Variants in TENM3 observed in about 807,000 individuals in gnomAD.
The protein encoded by TENM3 is teneurin transmembrane protein 3.
TENM3 carries 63 observed loss-of-function variants against 255.1 expected under a neutral mutation model. The ratio of observed to expected loss-of-function variants is 0.25; its 90% CI spans 0.20 to 0.30. The LOEUF is 0.30. TENM3 is among the 10% of genes least tolerant of loss of function. The pLI is 1.00. For synonymous variants in TENM3, 1,306 were observed against 1,322.3 expected (o/e 0.99, Z 0.27); for missense variants, 2,929 against 3,461.1 (o/e 0.85, Z 3.86).
At chr4:182,509,385 T>C (rs1013642774) in intron 3 of TENM3, among the ~76,000 whole-genome samples, 1 of 152,196 alleles carries the variant, frequency 6.6e-6, no homozygotes, top group Non-Finnish European at 1.5e-5. Flanking sequence ...CACCATATAA[T>C]GCTTGCTTCG....
chr4:181,854,927 G>T, the TENM3 span, among the ~76,000 whole-genome samples: 16 of 152,224 alleles, frequency 1.1e-4, no homozygotes, highest in South Asian at 2.5e-3. Flanking sequence ...TGGAATATTG[G>T]CAAGAATGGA....
chr4:182,148,704 G>A (rs74721350), intron 1 of TENM3, among the ~76,000 whole-genome samples: 1 of 152,180 alleles, frequency 6.6e-6, no homozygotes, highest in Non-Finnish European at 1.5e-5. Flanking sequence ...GAAAGATAAT[G>A]CATGTGGAGG....
chr4:182,145,908 A>G (rs1398334091), intron 1 of TENM3, among the ~76,000 whole-genome samples: 3 of 152,222 alleles, frequency 2.0e-5, no homozygotes, highest in African/African-American at 7.2e-5. Flanking sequence ...ATGTTGAGGC[A>G]TTACCTTTCC....
intron 1 of TENM3, among the ~76,000 whole-genome samples, chr4:182,166,755 C>T (rs1236335435): frequency 6.6e-6 from 1 of 152,118 alleles, no homozygotes; most frequent in Non-Finnish European, 1.5e-5. Flanking sequence ...CCTCAGCCTC[C>T]CGAGTAGCTG....
At position 182,193,121 on chromosome 4, in the gene TENM3, T is replaced by C. The variant is rs145538114; in HGVS notation, c.-76+48367T>C. Among the ~76,000 whole-genome samples, 840 of 152,318 alleles carry C rather than the reference T, an allele frequency of 5.5e-3. 2 individuals carry two copies. The highest frequency in any genetic ancestry group is 8.4e-3 in the Non-Finnish European group (571 of 68,030). On this transcript the variant is annotated intron_variant, in intron 1 of 2. Transcript: ENST00000512480. ...CATGAGTGTATTATTTGGCATGAAG[T>C]ATACACCATCACAGGTTTGGAATTT... is the stretch of plus-strand genomic sequence containing the variant.
the TENM3 span, among the ~76,000 whole-genome samples, chr4:181,946,854 A>T: frequency 6.6e-6 from 1 of 152,214 alleles, no homozygotes; most frequent in Admixed American, 6.5e-5. Flanking sequence ...TCTCATAGAA[A>T]ATCCACTCCT....
intron 1 of TENM3, among the ~76,000 whole-genome samples, chr4:182,256,913 TAA>T (rs111995629): frequency 6.8e-6 from 1 of 146,072 alleles, no homozygotes. Context: ...AAATAATTAT[TAA>T]AAAAAAAAAC....
At chr4:182,565,725 C>T (rs950568848) in intron 3 of TENM3, among the ~76,000 whole-genome samples, 10 of 152,154 alleles carry the variant, frequency 6.6e-5, no homozygotes, top group African/African-American at 2.4e-4. Flanking sequence ...CTATATGTAG[C>T]AGGATTAGAC....
intron 3 of TENM3, among the ~76,000 whole-genome samples, chr4:182,410,212 A>G (rs1437311294): frequency 6.6e-6 from 1 of 152,252 alleles, no homozygotes. Context: ...ACTAGAAGCT[A>G]TGAATGCTGG....
intron 23 of TENM3, 75 bp downstream of exon 23, chr4:182,773,722 G>T (rs1764457272): frequency 7.4e-7 from 1 of 1,354,736 alleles, no homozygotes; most frequent in Non-Finnish European, 1.0e-6. Flanking sequence ...ACTTTCCAAG[G>T]TGAACCAGAA....
At chr4:181,830,814 G>A in the TENM3 span, among the ~76,000 whole-genome samples, 11 of 152,160 alleles carry the variant, frequency 7.2e-5, no homozygotes, top group African/African-American at 2.6e-4. Context: ...GCTTGATCCC[G>A]TCACCAAGTT....
the TENM3 span, among the ~76,000 whole-genome samples, chr4:181,754,021 C>G: frequency 6.6e-6 from 1 of 152,078 alleles, no homozygotes; most frequent in African/African-American, 2.4e-5. Context: ...ATGAGATTGA[C>G]AAGTATGTTT....
intron 3 of TENM3, among the ~76,000 whole-genome samples, chr4:182,413,668 C>G (rs909437503): frequency 6.6e-6 from 1 of 152,050 alleles, no homozygotes; most frequent in Admixed American, 6.6e-5. Flanking sequence ...CCGAAGTGTT[C>G]TCATGAGCAC....
At chr4:182,031,382 C>T in the TENM3 span, among the ~76,000 whole-genome samples, 1 of 152,114 alleles carries the variant, frequency 6.6e-6, no homozygotes, top group Non-Finnish European at 1.5e-5. Context: ...GGCCCTATTT[C>T]TGAGTTCTCT....
At chr4:181,921,904 G>A in the TENM3 span, among the ~76,000 whole-genome samples, 3 of 152,144 alleles carry the variant, frequency 2.0e-5, no homozygotes, top group African/African-American at 7.2e-5. Flanking sequence ...TTTGAGAAAC[G>A]TCCCATCAAT....
intron 3 of TENM3, among the ~76,000 whole-genome samples, chr4:182,435,509 G>A (rs1771978193): frequency 1.3e-5 from 2 of 152,160 alleles, no homozygotes; most frequent in South Asian, 4.1e-4. Flanking sequence ...TTTAAGAGAG[G>A]GGCAATTGGA....
chr4:182,291,060 A>G (rs1417487186), intron 1 of TENM3, among the ~76,000 whole-genome samples: 5 of 151,984 alleles, frequency 3.3e-5, no homozygotes, highest in Non-Finnish European at 7.4e-5. Flanking sequence ...ACCTCAAGTG[A>G]TCCTCCCACC....
chr4:182,497,882 ATC>A (rs1735953978), intron 3 of TENM3, among the ~76,000 whole-genome samples: 2 of 135,096 alleles, frequency 1.5e-5, no homozygotes, highest in African/African-American at 5.3e-5. Context: ...ATATATATAT[ATC>A]TCAACCTAGA....
the TENM3 span, among the ~76,000 whole-genome samples, chr4:181,813,200 A>T: frequency 2.2e-4 from 34 of 152,254 alleles, no homozygotes; most frequent in African/African-American, 7.7e-4. Flanking sequence ...GATCTCTTTG[A>T]GTTCTCTCTT....
Sources: allele counts gnomAD v4.1 joint callset (sites outside exome capture counted in the v4.1 genomes callset), GRCh38; gene constraint gnomAD v4.1.1; transcripts MANE v1.5; gene names NCBI Gene and HGNC (gene_info 2026-07-23, HGNC 2026-07-21).